ERICH1: variants seen among roughly 807,000 people sequenced by gnomAD.
ERICH1 encodes the protein glutamate rich 1, also known as glutamate-rich protein 1.
In ERICH1, 56 loss-of-function variants were observed where a neutral mutation model predicts 39.6. The observed-to-expected ratio is 1.41, with a 90% CI of 1.14 to 1.77. The LOEUF (loss-of-function observed/expected upper bound fraction) is 1.77. Ranked by LOEUF, ERICH1 falls within the 40% of genes most tolerant of loss-of-function variation. The pLI, the probability that ERICH1 is intolerant of heterozygous loss-of-function variation, is 0.00. For missense variants in ERICH1, 826 were observed against 575.4 expected, an observed-to-expected ratio of 1.44 and a Z score of -4.45; for synonymous variants, 313 against 223.6, an observed-to-expected ratio of 1.40 and a Z score of -3.57.
intron 3 of ERICH1, among the ~76,000 whole-genome samples, chr8:634,158 T>C (rs1255497111): frequency 1.5e-4 from 8 of 52,962 alleles, no homozygotes; most frequent in African/African-American, 6.2e-4. Context: ...TATAGAGAAC[T>C]CCTAAAACTC....
intron 3 of ERICH1, among the ~76,000 whole-genome samples, chr8:638,309 G>A (rs1370375774): frequency 3.3e-5 from 5 of 152,234 alleles, no homozygotes; most frequent in Admixed American, 6.5e-5. Context: ...TCGATGGGAA[G>A]CTCAGCACCA....
intron 4 of ERICH1, among the ~76,000 whole-genome samples, chr8:670,432 G>A (rs912623351): frequency 1.2e-4 from 19 of 152,246 alleles, no homozygotes; most frequent in South Asian, 4.2e-4. Context: ...CTAGGATGGC[G>A]ACATTTTCCT....
intron 3 of ERICH1, among the ~76,000 whole-genome samples, chr8:621,147 TAAAC>T (rs1797255805): frequency 6.6e-6 from 1 of 151,738 alleles, no homozygotes; most frequent in South Asian, 2.1e-4. Flanking sequence ...ATGTGAAAAT[TAAAC>T]AATACACTCC....
chr8:694,701 C>T (rs1337252559), intron 2 of ERICH1, among the ~76,000 whole-genome samples: 1 of 152,214 alleles, frequency 6.6e-6, no homozygotes, highest in African/African-American at 2.4e-5. Context: ...CCATGTAACC[C>T]ATAATACCTT....
intron 3 of ERICH1, among the ~76,000 whole-genome samples, chr8:619,997 G>A (rs1224404660): frequency 6.6e-6 from 1 of 152,136 alleles, no homozygotes; most frequent in African/African-American, 2.4e-5. Flanking sequence ...AAAGAAAATG[G>A]AGGAATAATA....
At chr8:650,155 T>C (rs1006872719) in intron 3 of ERICH1, among the ~76,000 whole-genome samples, 1 of 152,174 alleles carries the variant, frequency 6.6e-6, no homozygotes, top group African/African-American at 2.4e-5. Flanking sequence ...GGCGCTTGCG[T>C]GTCCGGCACA....
intron 1 of ERICH1, among the ~76,000 whole-genome samples, chr8:720,642 G>T (rs1024237762): frequency 2.0e-5 from 3 of 152,176 alleles, no homozygotes; most frequent in Admixed American, 6.5e-5. Flanking sequence ...ACAGCCACGG[G>T]AAAGACAATG....
intron 2 of ERICH1, among the ~76,000 whole-genome samples, chr8:712,834 GCTT>G (rs1436958795): frequency 2.0e-5 from 3 of 152,052 alleles, no homozygotes; most frequent in African/African-American, 7.2e-5. Flanking sequence ...CTTTTTTGTT[GCTT>G]CTTTCAGATT....
chr8:616,353 C>T, intron 3 of ERICH1: 1 of 344,446 alleles, frequency 2.9e-6, no homozygotes, highest in Non-Finnish European at 5.8e-6. Flanking sequence ...AGACAGGCTC[C>T]TGTCGGCCAG....
At chr8:726,183 T>C (rs4735915) in intron 1 of ERICH1, among the ~76,000 whole-genome samples, 22,308 of 152,108 alleles carry the variant, frequency 0.15, 2,188 homozygotes, top group East Asian at 0.47. Flanking sequence ...TGGAAACAAA[T>C]CTGAGCCAGC....
At chr8:672,355 G>A (rs886928386) in intron 4 of ERICH1, among the ~76,000 whole-genome samples, 6 of 152,228 alleles carry the variant, frequency 3.9e-5, no homozygotes, top group Non-Finnish European at 7.3e-5. Context: ...ACGCTAAAGA[G>A]GAAGAGGCTA....
intron 3 of ERICH1, among the ~76,000 whole-genome samples, chr8:640,016 C>T (rs1375714821): frequency 2.0e-5 from 3 of 152,164 alleles, no homozygotes; most frequent in Non-Finnish European, 2.9e-5. Flanking sequence ...TGTGTGTGCC[C>T]GTGACATGTC....
At chr8:721,431 C>T (rs952489229) in intron 1 of ERICH1, among the ~76,000 whole-genome samples, 1 of 152,220 alleles carries the variant, frequency 6.6e-6, no homozygotes, top group Non-Finnish European at 1.5e-5. Flanking sequence ...CTGGGAGAGA[C>T]CTCACGGACA....
At chr8:637,105 C>T (rs142760443) in intron 3 of ERICH1, among the ~76,000 whole-genome samples, 2 of 152,358 alleles carry the variant, frequency 1.3e-5, no homozygotes, top group East Asian at 1.9e-4. Flanking sequence ...GCTAACGACA[C>T]GTTTCTGCTT....
intron 1 of ERICH1, among the ~76,000 whole-genome samples, chr8:726,351 C>T (rs566855613): frequency 1.3e-5 from 2 of 152,102 alleles, no homozygotes; most frequent in African/African-American, 4.8e-5. Context: ...CACACAGGCG[C>T]ACATGCATAC....
At chr8:699,328 G>A (rs1184902276) in intron 2 of ERICH1, among the ~76,000 whole-genome samples, 1 of 152,176 alleles carries the variant, frequency 6.6e-6, no homozygotes, top group African/African-American at 2.4e-5. Context: ...CAGAAGAGTG[G>A]ACGCCACCCC....
chr8:629,950 C>T (rs1397003124), intron 3 of ERICH1, among the ~76,000 whole-genome samples: 1 of 137,786 alleles, frequency 7.3e-6, no homozygotes, highest in Non-Finnish European at 1.5e-5. Context: ...AGAGCTGACT[C>T]ACACCCTCCT....
chr8:685,612 T>A (rs1210224469), intron 3 of ERICH1, among the ~76,000 whole-genome samples: 2 of 152,164 alleles, frequency 1.3e-5, no homozygotes, highest in East Asian at 3.8e-4. Flanking sequence ...TATAAAAGTA[T>A]TAATTTGGAG....
intron 3 of ERICH1, among the ~76,000 whole-genome samples, chr8:630,934 A>G (rs1797989082): frequency 6.9e-6 from 1 of 144,848 alleles, no homozygotes; most frequent in Non-Finnish European, 1.5e-5. Context: ...CCACACAGAC[A>G]GAGCTGACAC....
Sources: gnomAD v4.1 joint callset for allele counts (sites outside exome capture counted in the v4.1 genomes callset) on GRCh38, gnomAD v4.1.1 for gene constraint, MANE v1.5 for transcripts, NCBI Gene and HGNC (gene_info 2026-07-23, HGNC 2026-07-21) for gene names.